TCF4: variants seen among roughly 807,000 people sequenced by gnomAD.
TCF4 encodes the protein SL3-3 enhancer factor 2.
In TCF4, 3 loss-of-function variants were observed where a neutral mutation model predicts 82.1. The observed-to-expected ratio is 0.04, with a 90% CI of 0.02 to 0.09. The LOEUF is 0.09. TCF4 is among the 10% of genes least tolerant of loss of function. The pLI, the probability that TCF4 is intolerant of heterozygous loss-of-function variation, is 1.00. For synonymous variants in TCF4, 276 were observed against 309.6 expected, an observed-to-expected ratio of 0.89 and a Z score of 1.14; for missense variants, 518 against 852.7, an observed-to-expected ratio of 0.61 and a Z score of 4.89.
intron 12 of TCF4, 162 bp downstream of exon 12, chr18:55,261,304 A>C: frequency 1.2e-6 from 1 of 828,224 alleles, no homozygotes; most frequent in Non-Finnish European, 2.1e-6. Context: ...GAAGCTTCAG[A>C]GCCTTCTCAA....
intron 17 of TCF4, chr18:55,231,061 G>A (rs1041791387): frequency 2.0e-5 from 3 of 152,388 alleles, no homozygotes; most frequent in Non-Finnish European, 2.9e-5. Context: ...CACTGGAAAA[G>A]GCCCTCTTTC....
chr18:55,275,862 G>C (rs62092446), intron 9 of TCF4, 110 bp from the exon 10 acceptor site: 30 of 1,388,070 alleles, frequency 2.2e-5, no homozygotes, highest in Non-Finnish European at 3.1e-5. Flanking sequence ...ATTCATCTTT[G>C]TGTTGGTTAG....
At chr18:55,417,688 T>C (rs1020618935) in intron 5 of TCF4, among the ~76,000 whole-genome samples, 4 of 152,192 alleles carry the variant, frequency 2.6e-5, no homozygotes, top group Non-Finnish European at 1.5e-5. Context: ...TAAAACTAAG[T>C]TGCCTAAAAT....
intron 15 of TCF4, among the ~76,000 whole-genome samples, chr18:55,238,519 G>A (rs563995136): frequency 6.6e-6 from 1 of 152,242 alleles, no homozygotes; most frequent in South Asian, 2.1e-4. Context: ...TTCTTGGGGG[G>A]ATTTTTGTAT....
At chr18:55,501,326 G>T (rs555983478) in intron 3 of TCF4, among the ~76,000 whole-genome samples, 21 of 151,522 alleles carry the variant, frequency 1.4e-4, no homozygotes, top group African/African-American at 4.8e-4. Context: ...CATTCGGAAG[G>T]GAAAAAAAAA....
intron 3 of TCF4, among the ~76,000 whole-genome samples, chr18:55,481,702 C>T (rs926203032): frequency 6.6e-6 from 1 of 152,236 alleles, no homozygotes; most frequent in Admixed American, 6.5e-5. Flanking sequence ...TCATGTAACT[C>T]TCCACTTAAT....
intron 3 of TCF4, among the ~76,000 whole-genome samples, chr18:55,522,524 G>A (rs980709783): frequency 6.6e-6 from 1 of 152,170 alleles, no homozygotes; most frequent in African/African-American, 2.4e-5. Context: ...GATTTGTGAA[G>A]AGATGTAAAA....
intron 6 of TCF4, among the ~76,000 whole-genome samples, chr18:55,360,679 A>G (rs910636600): frequency 1.3e-5 from 2 of 151,796 alleles, no homozygotes; most frequent in African/African-American, 2.4e-5. Flanking sequence ...ATTTATAAAA[A>G]GAAGCTGTTG....
intron 3 of TCF4, among the ~76,000 whole-genome samples, chr18:55,510,213 C>T (rs1013037979): frequency 2.6e-5 from 4 of 152,074 alleles, no homozygotes; most frequent in Non-Finnish European, 5.9e-5. Flanking sequence ...CCAGATATAG[C>T]GCTCAGTCTG....
chr18:55,554,102 A>G (rs2097283361), intron 3 of TCF4, among the ~76,000 whole-genome samples: 1 of 152,168 alleles, frequency 6.6e-6, no homozygotes, highest in Admixed American at 6.5e-5. Flanking sequence ...TTTAATGACT[A>G]AAAGAAATCT....
At chr18:55,381,967 G>A (rs964841091) in intron 6 of TCF4, among the ~76,000 whole-genome samples, 5 of 150,952 alleles carry the variant, frequency 3.3e-5, no homozygotes, top group African/African-American at 4.9e-5. Context: ...ACTTTGACTA[G>A]TACTGGACTA....
upstream of TCF4, chr18:55,588,436 C>A: frequency 4.6e-6 from 7 of 1,534,788 alleles, no homozygotes; most frequent in Non-Finnish European, 5.2e-6. Context: ...TCCCCCGCCT[C>A]GCCAAAAAAT....
chr18:55,574,888 C>T (rs573692424), intron 3 of TCF4, among the ~76,000 whole-genome samples: 6 of 152,132 alleles, frequency 3.9e-5, no homozygotes, highest in Admixed American at 2.0e-4. Flanking sequence ...ATAACTCTAT[C>T]GTTACTCCAG....
chr18:55,588,152 C>T lies in TCF4; in HGVS notation c.-135G>A. 1 of 1,090,502 alleles carries T rather than the reference C, an allele frequency of 9.2e-7. No homozygotes were observed. Among genetic ancestry groups the T allele is most frequent in the Non-Finnish European group, 1.1e-6 (1 of 903,704 alleles). 67.6% of individuals were successfully genotyped at this position (1,090,502 alleles called of 1,614,324 possible). A position where few individuals can be genotyped will look rare whatever the true frequency, so the allele number is the denominator to read the frequency against. On this transcript the variant is annotated 5_prime_UTR_variant, in exon 1 of 20. Transcript: ENST00000354452. ...CCTGCGCCCGCTCCCGCGCCTGCTG[C>T]CTCCCCGCCGCCGCCGCCGCCGCCG...
In TCF4 at chr18:55,234,544, C is replaced by A. The variant is rs201274415; in HGVS notation, c.1486+4G>T. 5.6e-6 allele frequency: 9 copies of A among 1,614,174 alleles called. No homozygotes were observed. Among genetic ancestry groups the A allele is most frequent in the Non-Finnish European group, 7.6e-6 (9 of 1,180,022 alleles). Reference sequence around the variant, plus strand: ...TCAGAAGTGCCCTGGTGAGGCCAACCTACCTCTGTAAGGGTCCTGGGGTGG... The same window carrying A: ...TCAGAAGTGCCCTGGTGAGGCCAACATACCTCTGTAAGGGTCCTGGGGTGG... On this transcript the variant is annotated splice_donor_region_variant and intron_variant, in intron 16 of 19. Coordinates refer to ENST00000354452, the MANE Select transcript of TCF4 (RefSeq NM_001083962.2).
intron 17 of TCF4, chr18:55,230,908 A>AG (rs1440983765): frequency 6.6e-6 from 1 of 152,252 alleles, no homozygotes; most frequent in Non-Finnish European, 1.5e-5. Context: ...ACTTGGGTGA[A>AG]GGAGAAAAGT....
At position 55,326,715 on chromosome 18, in the gene TCF4, G is replaced by A. The variant is rs901009321; in HGVS notation, c.549+23644C>T. Among the ~76,000 whole-genome samples the A allele has an allele frequency of 5.9e-5, 9 of 152,138 alleles. 1 individual carries two copies. Among genetic ancestry groups the A allele is most frequent in the Non-Finnish European group, 1.3e-4 (9 of 68,018 alleles). ...TTACCCTTGTCCATTGAAAAAAGGA[G>A]TATAGTTTATTTAGAAGCTAAACTA... On this transcript the variant is annotated intron_variant, in intron 8 of 19. Coordinates refer to ENST00000354452, the MANE Select transcript of TCF4 (RefSeq NM_001083962.2).
chr18:55,456,068 G>C (rs1285380795), intron 5 of TCF4, among the ~76,000 whole-genome samples: 1 of 152,216 alleles, frequency 6.6e-6, no homozygotes, highest in Non-Finnish European at 1.5e-5. Flanking sequence ...TAAACTCAGG[G>C]TAGCCATAAA....
At chr18:55,496,015 T>TA (rs1484669105) in intron 3 of TCF4, 1 of 152,042 alleles carries the variant, frequency 6.6e-6, no homozygotes, top group African/African-American at 2.4e-5. Context: ...CATCAGGAGG[T>TA]ATCTTCAGGT....
Sources: allele counts gnomAD v4.1 joint callset (sites outside exome capture counted in the v4.1 genomes callset), GRCh38; gene constraint gnomAD v4.1.1; transcripts MANE v1.5; gene names NCBI Gene and HGNC (gene_info 2026-07-23, HGNC 2026-07-21).